Variants in CADM2 observed in about 807,000 individuals in gnomAD.
CADM2 encodes immunoglobulin superfamily member 4D.
Under a neutral mutation model 49.8 loss-of-function variants are expected in CADM2, and 12 were observed. The ratio of observed to expected loss-of-function variants is 0.24; its 90% confidence interval spans 0.15 to 0.39. The LOEUF is 0.39. Among genes scored for constraint, CADM2 ranks in the 10% least tolerant of loss-of-function variants. The pLI is 1.00. For synonymous variants in CADM2, 214 were observed against 175.4 expected, an observed-to-expected ratio of 1.22 and a Z score of -1.74; for missense variants, 378 against 492.3, an observed-to-expected ratio of 0.77 and a Z score of 2.20.
intron 8 of CADM2, among the ~76,000 whole-genome samples, chr3:85,973,963 T>C (rs1726466366): frequency 6.6e-6 from 1 of 151,700 alleles, no homozygotes; most frequent in South Asian, 2.1e-4. Flanking sequence ...TAGCATTTTG[T>C]TAGGTATCAG....
chr3:86,052,545 G>A (rs928757218), intron 8 of CADM2, among the ~76,000 whole-genome samples: 1 of 152,050 alleles, frequency 6.6e-6, no homozygotes, highest in East Asian at 1.9e-4. Flanking sequence ...TATATTTTAT[G>A]TATAACAAGA....
intron 5 of CADM2, among the ~76,000 whole-genome samples, chr3:85,890,759 G>T (rs1408449759): frequency 6.6e-6 from 1 of 151,876 alleles, no homozygotes; most frequent in Non-Finnish European, 1.5e-5. Context: ...AGTGATTTTG[G>T]GATCCTGAGA....
chr3:85,442,512 G>A (rs2037250895), intron 1 of CADM2, among the ~76,000 whole-genome samples: 1 of 149,140 alleles, frequency 6.7e-6, no homozygotes, highest in South Asian at 2.1e-4. Context: ...TGAGAGAGGG[G>A]AAGTAATCAT....
chr3:85,729,087 C>T (rs1466688694), intron 2 of CADM2, among the ~76,000 whole-genome samples: 3 of 152,072 alleles, frequency 2.0e-5, no homozygotes, highest in African/African-American at 7.2e-5. Flanking sequence ...TGGCCAAATC[C>T]AAGGGTGGTT....
intron 1 of CADM2, among the ~76,000 whole-genome samples, chr3:85,371,659 A>ATG (rs1230796475): frequency 1.1e-3 from 43 of 37,600 alleles, no homozygotes; most frequent in East Asian, 3.0e-3. Flanking sequence ...GGATATATAT[A>ATG]TATGTGTGTG....
chr3:85,187,696 A>G (rs554164159), intron 1 of CADM2, among the ~76,000 whole-genome samples: 31 of 152,206 alleles, frequency 2.0e-4, no homozygotes, highest in African/African-American at 6.0e-4. Flanking sequence ...TTAAATGTCA[A>G]CGTGGATTTT....
intron 2 of CADM2, among the ~76,000 whole-genome samples, chr3:85,783,225 A>T (rs1032563765): frequency 1.3e-5 from 2 of 152,128 alleles, no homozygotes; most frequent in East Asian, 3.9e-4. Context: ...TTAAGATAAA[A>T]CTCTTATGTA....
At chr3:85,325,417 A>G (rs1042658916) in intron 1 of CADM2, among the ~76,000 whole-genome samples, 5 of 152,124 alleles carry the variant, frequency 3.3e-5, no homozygotes, top group Non-Finnish European at 7.4e-5. Flanking sequence ...TTACTTTTCT[A>G]AAGTATGAAG....
chr3:85,109,601 T>G (rs921055562), intron 1 of CADM2, among the ~76,000 whole-genome samples: 2 of 151,974 alleles, frequency 1.3e-5, no homozygotes, highest in Non-Finnish European at 2.9e-5. Flanking sequence ...TCATTTAAAA[T>G]TTATCTTCTT....
chr3:86,066,546 C>A (rs73843593), intron 9 of CADM2, 119 bp from the exon 10 acceptor site: 22,863 of 711,832 alleles, frequency 0.032, 1,445 homozygotes, highest in African/African-American at 0.2. Flanking sequence ...AAGAGTCAAT[C>A]GGGTAGCATA....
At chr3:85,231,767 T>C (rs1047891527) in intron 1 of CADM2, among the ~76,000 whole-genome samples, 7 of 150,730 alleles carry the variant, frequency 4.6e-5, no homozygotes, top group African/African-American at 1.7e-4. Context: ...GGCTAGAGTG[T>C]AATGGTGCAA....
At chr3:85,882,689 C>G (rs1712990079) in intron 3 of CADM2, among the ~76,000 whole-genome samples, 1 of 152,138 alleles carries the variant, frequency 6.6e-6, no homozygotes, top group African/African-American at 2.4e-5. Context: ...AACTGAGTGT[C>G]TTGTGATAGA....
intron 1 of CADM2, among the ~76,000 whole-genome samples, chr3:85,141,120 G>A (rs983869145): frequency 2.6e-5 from 4 of 152,114 alleles, no homozygotes; most frequent in Admixed American, 6.6e-5. Flanking sequence ...TCATATGAGA[G>A]CCAGTTATTT....
Position 85,623,918 on chromosome 3 carries a change from GA to G in CADM2, c.62-102596del, listed in dbSNP as rs539859104. Among the ~76,000 whole-genome samples the G allele has an allele frequency of 5.3e-3, 804 of 151,748 alleles. 10 individuals are homozygous for G. Among genetic ancestry groups the G allele is most frequent in the African/African-American group, 0.019 (775 of 41,412 alleles). On this transcript the variant is annotated intron_variant, in intron 1 of 9. Transcript: ENST00000383699. Reference sequence around the variant, plus strand: ...GTGGATCATTTAGAAATCTCTATGAGAAAAAAAATGTTAAGGATATTGCTTT... The same window carrying G: ...GTGGATCATTTAGAAATCTCTATGAGAAAAAAATGTTAAGGATATTGCTTT...
chr3:85,628,865 G>A (rs1237379671), intron 1 of CADM2, among the ~76,000 whole-genome samples: 2 of 150,216 alleles, frequency 1.3e-5, no homozygotes, highest in Non-Finnish European at 3.0e-5. Flanking sequence ...GACTCTTATC[G>A]TTTTTCTTTA....
intron 1 of CADM2, among the ~76,000 whole-genome samples, chr3:85,293,954 A>G (rs1383815650): frequency 1.3e-5 from 2 of 152,020 alleles, no homozygotes; most frequent in Admixed American, 1.3e-4. Context: ...TTAGGCAGGA[A>G]AAGGAAATGA....
intron 1 of CADM2, among the ~76,000 whole-genome samples, chr3:85,341,908 A>G (rs1003278301): frequency 1.3e-5 from 2 of 152,124 alleles, no homozygotes; most frequent in Non-Finnish European, 1.5e-5. Context: ...TCCCCTGGAA[A>G]ACAAAAAAAG....
At chr3:85,487,641 AGG>A (rs2039480945) in intron 1 of CADM2, among the ~76,000 whole-genome samples, 1 of 76,282 alleles carries the variant, frequency 1.3e-5, no homozygotes, top group Non-Finnish European at 3.6e-5. Flanking sequence ...GAGGACGAAG[AGG>A]AGGAGGAGGA....
intron 2 of CADM2, among the ~76,000 whole-genome samples, chr3:85,761,237 A>G (rs1039709566): frequency 6.6e-6 from 1 of 152,164 alleles, no homozygotes; most frequent in African/African-American, 2.4e-5. Flanking sequence ...AGACACTCTA[A>G]CACACATAAG....
Sources: allele counts gnomAD v4.1 joint callset (sites outside exome capture counted in the v4.1 genomes callset), GRCh38; gene constraint gnomAD v4.1.1; transcripts MANE v1.5; gene names NCBI Gene and HGNC (gene_info 2026-07-23, HGNC 2026-07-21).